Variants in MLXIPL observed in about 807,000 individuals in gnomAD.
MLXIPL encodes carbohydrate-responsive element-binding protein.
Under a neutral mutation model 81.5 loss-of-function variants are expected in MLXIPL, and 49 were observed. The ratio of observed to expected loss-of-function variants is 0.60; its 90% CI spans 0.48 to 0.76. MLXIPL has a LOEUF of 0.76. Among genes scored for constraint, MLXIPL ranks in the 30% least tolerant of loss-of-function variants. The pLI, the probability that MLXIPL is intolerant of heterozygous loss-of-function variation, is 0.00. For synonymous variants in MLXIPL, 466 were observed against 485.5 expected (o/e 0.96, Z 0.53); for missense variants, 1,053 against 1,167.0 (o/e 0.90, Z 1.42).
chr7:73,597,588 A>G lies in MLXIPL; in HGVS notation c.1197T>C (p.Pro399=). 2.5e-6 allele frequency: 2 copies of G among 800,202 alleles called. No homozygotes were observed. Among genetic ancestry groups the G allele is most frequent in the Non-Finnish European group, 1.4e-6 (1 of 695,430 alleles). The allele number at this position is 800,202 out of a possible 1,614,324, so 49.6% of individuals were successfully genotyped here. A position where few individuals can be genotyped will look rare whatever the true frequency, so the allele number is the denominator to read the frequency against. Residue 399 remains proline (P), a synonymous_variant, in exon 9 of 17, where the codon CCT becomes CCC. Coordinates refer to ENST00000313375, the MANE Select transcript of MLXIPL (RefSeq NM_032951.3). The part of the protein sequence containing the change: ...PPVPPPLLHY[P]PPAKVPGLEP... Reference sequence around the variant, plus strand: ...CCAGGCCTGGCACCTTGGCAGGGGGAGGGTAATGCAGCAGAGGTGGGGGTA... The same window carrying G: ...CCAGGCCTGGCACCTTGGCAGGGGGGGGGTAATGCAGCAGAGGTGGGGGTA...
chr7:73,645,948 C>A, the MLXIPL span, among the ~76,000 whole-genome samples: 1 of 152,204 alleles, frequency 6.6e-6, no homozygotes, highest in African/African-American at 2.4e-5. Context: ...TTGTGCAGTG[C>A]CTGGCTTGCA....
At chr7:73,643,523 A>G in the MLXIPL span, among the ~76,000 whole-genome samples, 2 of 152,070 alleles carry the variant, frequency 1.3e-5, no homozygotes, top group Admixed American at 6.6e-5. Flanking sequence ...CAAAAAAAAA[A>G]AAAAAAAGAA....
At position 73,593,407 on chromosome 7, in the gene MLXIPL, T is replaced by C. The variant is rs1448750561; in HGVS notation, c.*458A>G. 1 of 242,758 alleles carries C rather than the reference T, an allele frequency of 4.1e-6. No homozygotes were observed. The highest frequency in any genetic ancestry group is 2.2e-5 in the African/African-American group (1 of 44,560). The allele number at this position is 242,758 out of a possible 1,614,324, so 15.0% of individuals were successfully genotyped here. On this transcript the variant is annotated 3_prime_UTR_variant, in exon 17 of 17. Coordinates refer to ENST00000313375, the MANE Select transcript of MLXIPL (RefSeq NM_032951.3). ...GAAGGAGCAGAGAGAGGGAACCTCCTTTTCTGCTTCTCTGCTCAGGAACAG... is the reference window on the plus strand; with the variant it reads ...GAAGGAGCAGAGAGAGGGAACCTCCCTTTCTGCTTCTCTGCTCAGGAACAG...
chr7:73,597,135 C>T (rs115063951), intron 9 of MLXIPL, 47 bp downstream of exon 9: 1 of 1,550,504 alleles, frequency 6.4e-7, no homozygotes, highest in Non-Finnish European at 8.7e-7. Context: ...CTCCCCACCC[C>T]CTGGCCTCCC....
rs1296163961 is a variant in MLXIPL at position 73,593,411 on chromosome 7, C to T, written c.*454G>A. 8.3e-6 allele frequency: 2 copies of T among 242,298 alleles called. No homozygotes were observed. Among genetic ancestry groups the T allele is most frequent in the South Asian group, 5.5e-5 (1 of 18,334 alleles). 15.0% of individuals were successfully genotyped at this position (242,298 alleles called of 1,614,324 possible). On this transcript the variant is annotated 3_prime_UTR_variant, in exon 17 of 17. Transcript: ENST00000313375. ...GAGCAGAGAGAGGGAACCTCCTTTT[C>T]TGCTTCTCTGCTCAGGAACAGAGGT...
Position 73,596,615 on chromosome 7 carries a change from A to C in MLXIPL, c.1822+24T>G, listed in dbSNP as rs1554594004. On this transcript the variant is annotated intron_variant, in intron 11 of 16. Coordinates refer to ENST00000313375, the MANE Select transcript of MLXIPL (RefSeq NM_032951.3). This position sits in a 1 kb window ranked among gnomAD's most constrained non-coding sequence, Gnocchi z 4.7. ...TTCCCCTCATCCCCTAGATTCCCCC[A>C]ATCCCTGCAACCCCTCTCTTTACCG... 3.7e-6 allele frequency: 6 copies of C among 1,603,826 alleles called. No individual in the cohort carries two copies. The Admixed American group carries it at 6.8e-5, about 18-fold the overall frequency.
At chr7:73,612,381 C>G (rs1554599902) in intron 2 of MLXIPL, among the ~76,000 whole-genome samples, 1 of 152,006 alleles carries the variant, frequency 6.6e-6, no homozygotes, top group Non-Finnish European at 1.5e-5. Context: ...TGGCTCACGC[C>G]TGTAATCCCA....
upstream of MLXIPL, among the ~76,000 whole-genome samples, chr7:73,627,200 C>T (rs1796768023): frequency 6.6e-6 from 1 of 151,850 alleles, no homozygotes; most frequent in African/African-American, 2.4e-5. Context: ...CACTCTCCCT[C>T]CTTTGGAGGG....
intron 2 of MLXIPL, among the ~76,000 whole-genome samples, chr7:73,613,368 G>A (rs553742786): frequency 6.6e-6 from 1 of 152,302 alleles, no homozygotes; most frequent in African/African-American, 2.4e-5. Context: ...GGAGGCCGAG[G>A]TGGGCAGATC....
chr7:73,594,846 C>CT (rs33938430), intron 15 of MLXIPL, among the ~76,000 whole-genome samples: 13 of 106,700 alleles, frequency 1.2e-4, no homozygotes, highest in Middle Eastern at 5.9e-3. Context: ...TGTGCTCGGA[C>CT]TTTTTTTTTT....
chr7:73,619,537 G>C (rs1554601528), intron 1 of MLXIPL, among the ~76,000 whole-genome samples: 1 of 152,002 alleles, frequency 6.6e-6, no homozygotes, highest in African/African-American at 2.4e-5. Flanking sequence ...GCTGCAGTGG[G>C]AAGATCGCTT....
At chr7:73,636,267 G>A in the MLXIPL span, among the ~76,000 whole-genome samples, 17 of 152,066 alleles carry the variant, frequency 1.1e-4, no homozygotes, top group African/African-American at 2.9e-4. Flanking sequence ...AAAATTAGCC[G>A]GATCCGGTGG....
chr7:73,614,505 G>A (rs1054189907), intron 2 of MLXIPL, among the ~76,000 whole-genome samples: 1 of 152,190 alleles, frequency 6.6e-6, no homozygotes, highest in Non-Finnish European at 1.5e-5. Flanking sequence ...ATCCAGCGGG[G>A]CGAGGACAGA....
At chr7:73,638,436 C>A in the MLXIPL span, among the ~76,000 whole-genome samples, 1 of 152,186 alleles carries the variant, frequency 6.6e-6, no homozygotes, top group Admixed American at 6.5e-5. Flanking sequence ...TTCCAAGTGG[C>A]TGGGATGGCT....
intron 1 of MLXIPL, among the ~76,000 whole-genome samples, chr7:73,618,716 T>C (rs1340810600): frequency 8.6e-6 from 1 of 116,058 alleles, no homozygotes; most frequent in Non-Finnish European, 1.8e-5. Context: ...TAGGGAGACA[T>C]GGAGGTGGGG....
chr7:73,609,803 CTGGGACTACAGG>C (rs1426101318), intron 2 of MLXIPL: 1 of 152,088 alleles, frequency 6.6e-6, no homozygotes, highest in African/African-American at 2.4e-5. Flanking sequence ...TCCAGAGTAG[CTGGGACTACAGG>C]TGTATACCAC....
the MLXIPL span, among the ~76,000 whole-genome samples, chr7:73,635,496 T>TATCCACCCATCTCTTCTTTC: frequency 3.3e-5 from 5 of 151,988 alleles, no homozygotes; most frequent in African/African-American, 1.2e-4. Context: ...TTCACCTTAC[T>TATCCACCCATCTCTTCTTTC]ATCCACCCAT....
intron 15 of MLXIPL, among the ~76,000 whole-genome samples, chr7:73,595,412 C>G (rs963310884): frequency 6.6e-6 from 1 of 152,194 alleles, no homozygotes; most frequent in Non-Finnish European, 1.5e-5. Context: ...TACCCAAGGA[C>G]TCCTCCCTCA....
chr7:73,605,599 G>T, intron 7 of MLXIPL, 89 bp downstream of exon 7: 2 of 1,167,156 alleles, frequency 1.7e-6, no homozygotes. Context: ...CAGACTATCA[G>T]CCCTCCCAGA....
Sources: gnomAD v4.1 joint callset for allele counts (sites outside exome capture counted in the v4.1 genomes callset) on GRCh38, gnomAD v4.1.1 for gene constraint, Gnocchi (gnomAD v3.1) non-coding constraint, MANE v1.5 for transcripts, NCBI Gene and HGNC (gene_info 2026-07-23, HGNC 2026-07-21) for gene names.